KIAA0825: variants seen among roughly 807,000 people sequenced by gnomAD.
KIAA0825 encodes KIAA0825.
KIAA0825 carries 119 observed loss-of-function variants against 147.6 expected under a neutral mutation model. That is an observed-to-expected ratio of 0.81 (90% confidence interval 0.69 to 0.94). KIAA0825 has a LOEUF of 0.94. Ranked by LOEUF, KIAA0825 falls within the 40% of genes least tolerant of loss-of-function variation. The pLI is 0.00. For synonymous variants in KIAA0825, 470 were observed against 518.1 expected (o/e 0.91, Z 1.26); for missense variants, 1,381 against 1,472.7 (o/e 0.94, Z 1.02).
chr5:94,462,278 C>T, intron 12 of KIAA0825, 109 bp downstream of exon 12: 1 of 630,016 alleles, frequency 1.6e-6, no homozygotes, highest in Non-Finnish European at 2.6e-6. Flanking sequence ...AAATGCACTT[C>T]AGAAGATTTC....
At chr5:94,349,790 A>G (rs1212975336) in intron 20 of KIAA0825, among the ~76,000 whole-genome samples, 1 of 152,230 alleles carries the variant, frequency 6.6e-6, no homozygotes, top group Non-Finnish European at 1.5e-5. Context: ...AGGCAGTGCT[A>G]AGAGGAAAGT....
intron 20 of KIAA0825, among the ~76,000 whole-genome samples, chr5:94,265,156 C>T (rs916210783): frequency 2.6e-5 from 4 of 152,096 alleles, no homozygotes; most frequent in Non-Finnish European, 4.4e-5. Flanking sequence ...ACAAAAATAA[C>T]AATTTCATGT....
chr5:94,583,230 C>T (rs1042159714), intron 1 of KIAA0825, among the ~76,000 whole-genome samples: 26 of 152,300 alleles, frequency 1.7e-4, no homozygotes, highest in Non-Finnish European at 3.1e-4. Context: ...TGCAAAGGGT[C>T]GTGGGATTTC....
intron 5 of KIAA0825, 37 bp downstream of exon 5, chr5:94,520,209 CTT>C (rs754784443): frequency 6.6e-7 from 1 of 1,514,222 alleles, no homozygotes; most frequent in Non-Finnish European, 8.8e-7. Flanking sequence ...TATTAAAAGA[CTT>C]AAGTTAAACC....
At chr5:94,481,873 A>G (rs1314325298) in intron 6 of KIAA0825, among the ~76,000 whole-genome samples, 2 of 152,064 alleles carry the variant, frequency 1.3e-5, no homozygotes, top group African/African-American at 2.4e-5. Flanking sequence ...GGGGCTAAAG[A>G]AAAATGAGGG....
At chr5:94,283,543 A>C (rs972612405) in intron 20 of KIAA0825, among the ~76,000 whole-genome samples, 11 of 152,082 alleles carry the variant, frequency 7.2e-5, no homozygotes, top group African/African-American at 2.4e-4. Context: ...CAAAATCCTT[A>C]AATACTTTAA....
intron 20 of KIAA0825, among the ~76,000 whole-genome samples, chr5:94,208,257 AT>A (rs1174258793): frequency 6.6e-6 from 1 of 152,176 alleles, no homozygotes; most frequent in East Asian, 1.9e-4. Context: ...GACCTCATTT[AT>A]TTTTGCTCAC....
chr5:94,398,578 C>T (rs1437300985), intron 16 of KIAA0825, among the ~76,000 whole-genome samples: 1 of 152,020 alleles, frequency 6.6e-6, no homozygotes, highest in Non-Finnish European at 1.5e-5. Flanking sequence ...TAATTAGGTC[C>T]ATAATTGGCT....
intron 5 of KIAA0825, among the ~76,000 whole-genome samples, chr5:94,500,616 CCAAA>C (rs936447661): frequency 1.3e-5 from 2 of 151,978 alleles, no homozygotes; most frequent in Non-Finnish European, 2.9e-5. Flanking sequence ...AGCCAAGGGA[CCAAA>C]CAAACAGGCA....
At chr5:94,588,149 A>G (rs1314040252) in intron 1 of KIAA0825, among the ~76,000 whole-genome samples, 1 of 152,238 alleles carries the variant, frequency 6.6e-6, no homozygotes, top group Non-Finnish European at 1.5e-5. Flanking sequence ...CTTCATGACT[A>G]AAACAACAAA....
intron 12 of KIAA0825, among the ~76,000 whole-genome samples, chr5:94,458,153 T>C (rs1458258374): frequency 1.3e-5 from 2 of 152,156 alleles, no homozygotes; most frequent in African/African-American, 2.4e-5. Flanking sequence ...AGTAGCTACT[T>C]CACTTTCAAA....
At chr5:94,182,554 C>G (rs1406607826) in intron 20 of KIAA0825, among the ~76,000 whole-genome samples, 3 of 151,766 alleles carry the variant, frequency 2.0e-5, no homozygotes, top group Admixed American at 6.6e-5. Context: ...GCCACCATGC[C>G]CAGCCGTAAA....
chr5:94,274,183 T>A (rs1777113532), intron 20 of KIAA0825, among the ~76,000 whole-genome samples: 3 of 152,158 alleles, frequency 2.0e-5, no homozygotes, highest in Non-Finnish European at 1.5e-5. Context: ...AACATTGGCA[T>A]ACATAACATA....
At chr5:94,302,377 G>A (rs150834947) in intron 20 of KIAA0825, among the ~76,000 whole-genome samples, 197 of 152,096 alleles carry the variant, frequency 1.3e-3, no homozygotes, top group African/African-American at 4.5e-3. Context: ...AATACTGAGA[G>A]GCAAAGAGTA....
At chr5:94,204,279 C>T (rs1241774326) in intron 20 of KIAA0825, among the ~76,000 whole-genome samples, 3 of 152,134 alleles carry the variant, frequency 2.0e-5, no homozygotes, top group Non-Finnish European at 4.4e-5. Context: ...ATAGTTTTGG[C>T]TGACATTTTT....
intron 14 of KIAA0825, among the ~76,000 whole-genome samples, chr5:94,426,511 T>C (rs928953088): frequency 7.9e-5 from 12 of 152,126 alleles, no homozygotes; most frequent in African/African-American, 2.9e-4. Context: ...ACTTGATCTA[T>C]TGGAGGTAAA....
chr5:94,266,504 A>T (rs1776743112), intron 20 of KIAA0825, among the ~76,000 whole-genome samples: 1 of 152,012 alleles, frequency 6.6e-6, no homozygotes, highest in Admixed American at 6.6e-5. Flanking sequence ...GTGCTGTATT[A>T]AAAAAAATCC....
chr5:94,235,404 C>T (rs1434579064), intron 20 of KIAA0825, among the ~76,000 whole-genome samples: 2 of 152,190 alleles, frequency 1.3e-5, no homozygotes, highest in African/African-American at 4.8e-5. Flanking sequence ...GTCTTCGATT[C>T]AGTGAAGGCT....
At chr5:94,405,698 A>C (rs974619562) in intron 15 of KIAA0825, among the ~76,000 whole-genome samples, 1 of 152,192 alleles carries the variant, frequency 6.6e-6, no homozygotes, top group Non-Finnish European at 1.5e-5. Context: ...CAGATAAACC[A>C]AATAGGAAGT....
Sources: gnomAD v4.1 joint callset for allele counts (sites outside exome capture counted in the v4.1 genomes callset) on GRCh38, gnomAD v4.1.1 for gene constraint, MANE v1.5 for transcripts, NCBI Gene and HGNC (gene_info 2026-07-23, HGNC 2026-07-21) for gene names.